The following LINGO2 variants were observed in gnomAD, a reference collection of about 807,000 sequenced individuals.
LINGO2 encodes the protein leucine-rich repeat and immunoglobulin-like domain-containing nogo receptor-interacting protein 2.
Under a neutral mutation model 30.6 loss-of-function variants are expected in LINGO2, and 14 were observed. That is an observed-to-expected ratio of 0.46 (90% CI 0.30 to 0.72). The LOEUF (loss-of-function observed/expected upper bound fraction) is 0.72, where lower values mean the gene tolerates loss of function less well. Ranked by LOEUF, LINGO2 falls within the 30% of genes least tolerant of loss-of-function variation. The pLI is 0.07. For missense variants in LINGO2, 729 were observed against 751.7 expected (o/e 0.97, Z 0.35); for synonymous variants, 317 against 288.5 (o/e 1.10, Z -1.00).
chr9:29,008,064 T>C, the LINGO2 span, among the ~76,000 whole-genome samples: 1 of 152,158 alleles, frequency 6.6e-6, no homozygotes, highest in Non-Finnish European at 1.5e-5. Context: ...CTCCTAATGC[T>C]ATCCCTCCCC....
the LINGO2 span, among the ~76,000 whole-genome samples, chr9:28,896,239 T>C: frequency 6.6e-6 from 1 of 152,180 alleles, no homozygotes; most frequent in African/African-American, 2.4e-5. Context: ...TCATGTTAGC[T>C]ACTTACAAAA....
At chr9:28,808,659 G>A in the LINGO2 span, among the ~76,000 whole-genome samples, 2 of 152,092 alleles carry the variant, frequency 1.3e-5, no homozygotes, top group African/African-American at 4.8e-5. Context: ...GTAATTTCAT[G>A]GTAGAACAAG....
chr9:28,845,513 CA>C, the LINGO2 span, among the ~76,000 whole-genome samples: 2 of 151,728 alleles, frequency 1.3e-5, no homozygotes, highest in African/African-American at 2.4e-5. Flanking sequence ...AGCATCTTTT[CA>C]AAAATTAATT....
At position 27,960,610 on chromosome 9, in the gene LINGO2, A is replaced by G. The variant is rs79187822; in HGVS notation, c.-35-9904T>C. Among the ~76,000 whole-genome samples the G allele has an allele frequency of 5.2e-3, 703 of 136,052 alleles. 18 individuals carry two copies. In the East Asian group the frequency reaches 0.1, roughly 20 times the overall value. The allele number at this position is 136,052 out of a possible 152,430, so 89.3% of individuals were successfully genotyped here. A position where few individuals can be genotyped will look rare whatever the true frequency, so the allele number is the denominator to read the frequency against. Reference sequence around the variant, plus strand: ...CTAGCTTTCTTAAAGTTTTTGTGGTATATCTTTTTTTTTTTTTTTTTTTTA... The same window carrying G: ...CTAGCTTTCTTAAAGTTTTTGTGGTGTATCTTTTTTTTTTTTTTTTTTTTA... On this transcript the variant is annotated intron_variant, in intron 5 of 5. Coordinates refer to ENST00000379992, the Ensembl canonical transcript of LINGO2.
chr9:28,214,433 A>C (rs916039259), intron 4 of LINGO2, among the ~76,000 whole-genome samples: 1 of 151,576 alleles, frequency 6.6e-6, no homozygotes, highest in Admixed American at 6.6e-5. Context: ...CCCGAAGAAA[A>C]TTTGTTCAAT....
rs181223721 is a variant in LINGO2 at position 28,220,194 on chromosome 9, C to T, written c.-87+75014G>A. ...AAGGGACTAGAGAGTCTGGGATTTT[C>T]GTATCTCTGGGAGTCCTGGAACCAA... On this transcript the variant is annotated intron_variant, in intron 4 of 5. Coordinates refer to ENST00000379992, the Ensembl canonical transcript of LINGO2. Among the ~76,000 whole-genome samples, 959 of 152,140 alleles carry T rather than the reference C, an allele frequency of 6.3e-3. 6 individuals are homozygous for T. The highest frequency in any genetic ancestry group is 9.4e-3 in the Admixed American group (143 of 15,270).
intron 4 of LINGO2, among the ~76,000 whole-genome samples, chr9:28,128,799 TGATTG>T (rs777875767): frequency 3.9e-5 from 6 of 152,184 alleles, no homozygotes; most frequent in Non-Finnish European, 4.4e-5. Flanking sequence ...AGTGTCAACT[TGATTG>T]GATTGAAGGA....
intron 2 of LINGO2, among the ~76,000 whole-genome samples, chr9:28,376,840 T>C (rs988791279): frequency 6.6e-6 from 1 of 152,160 alleles, no homozygotes; most frequent in Non-Finnish European, 1.5e-5. Context: ...CCATATCCTT[T>C]CCATTATATC....
chr9:29,132,856 G>T, the LINGO2 span, among the ~76,000 whole-genome samples: 2 of 151,594 alleles, frequency 1.3e-5, no homozygotes, highest in Non-Finnish European at 2.9e-5. Context: ...ATTTATTGTG[G>T]TAAATTATCT....
At chr9:28,558,851 T>G (rs2135540974) in intron 1 of LINGO2, among the ~76,000 whole-genome samples, 1 of 152,142 alleles carries the variant, frequency 6.6e-6, no homozygotes, top group Non-Finnish European at 1.5e-5. Flanking sequence ...CTTACTGGTC[T>G]ATTGCATCCT....
chr9:28,467,263 G>T (rs1009581155), intron 2 of LINGO2, among the ~76,000 whole-genome samples: 1 of 151,986 alleles, frequency 6.6e-6, no homozygotes, highest in African/African-American at 2.4e-5. Flanking sequence ...CTGACCTCTC[G>T]TAGTCTGCCC....
chr9:28,665,695 T>G (rs1011069819), intron 1 of LINGO2, among the ~76,000 whole-genome samples: 5 of 152,138 alleles, frequency 3.3e-5, no homozygotes, highest in Admixed American at 6.6e-5. Flanking sequence ...ATAGAGAAAA[T>G]ATAAAGCTTT....
the LINGO2 span, among the ~76,000 whole-genome samples, chr9:29,087,326 T>C: frequency 6.6e-6 from 1 of 152,168 alleles, no homozygotes; most frequent in East Asian, 1.9e-4. Flanking sequence ...TTAAATGAGA[T>C]AAATATAGCA....
At chr9:28,053,037 G>C (rs1223993314) in intron 4 of LINGO2, among the ~76,000 whole-genome samples, 2 of 152,076 alleles carry the variant, frequency 1.3e-5, no homozygotes, top group African/African-American at 4.8e-5. Context: ...TCCTCATCAA[G>C]TTTATAATCC....
intron 4 of LINGO2, among the ~76,000 whole-genome samples, chr9:28,073,144 G>C (rs1179433272): frequency 6.6e-6 from 1 of 151,870 alleles, no homozygotes; most frequent in Non-Finnish European, 1.5e-5. Flanking sequence ...TACTATTCCT[G>C]ACCACCCACT....
chr9:28,554,890 A>G (rs573607358), intron 1 of LINGO2, among the ~76,000 whole-genome samples: 1 of 137,378 alleles, frequency 7.3e-6, no homozygotes, highest in Non-Finnish European at 1.5e-5. Flanking sequence ...CTGCTCCTGA[A>G]TGACTACTGG....
chr9:28,519,814 AT>A (rs1820764488), intron 1 of LINGO2, among the ~76,000 whole-genome samples: 1 of 152,142 alleles, frequency 6.6e-6, no homozygotes, highest in South Asian at 2.1e-4. Flanking sequence ...CAAATTTCCC[AT>A]TTATGGATCA....
At chr9:27,987,461 T>C (rs1821177952) in intron 5 of LINGO2, among the ~76,000 whole-genome samples, 1 of 151,860 alleles carries the variant, frequency 6.6e-6, no homozygotes, top group South Asian at 2.1e-4. Context: ...CTAGTTGCTT[T>C]AAGTATAGAT....
At chr9:28,211,928 A>T (rs1303159941) in intron 4 of LINGO2, among the ~76,000 whole-genome samples, 1 of 145,696 alleles carries the variant, frequency 6.9e-6, no homozygotes, top group African/African-American at 2.5e-5. Context: ...CTCATGCTTA[A>T]TTTTTTTTTT....
Sources: allele counts gnomAD v4.1 joint callset (sites outside exome capture counted in the v4.1 genomes callset), GRCh38; gene constraint gnomAD v4.1.1; transcripts MANE v1.5; gene names NCBI Gene and HGNC (gene_info 2026-07-23, HGNC 2026-07-21).